The following CIT variants were observed in gnomAD, a reference collection of about 807,000 sequenced individuals.
CIT encodes the protein citron Rho-interacting kinase.
Under a neutral mutation model 272.7 loss-of-function variants are expected in CIT, and 79 were observed. The ratio of observed to expected loss-of-function variants is 0.29; its 90% confidence interval spans 0.24 to 0.35. The LOEUF (loss-of-function observed/expected upper bound fraction) is 0.35, where lower values mean the gene tolerates loss of function less well. Among genes scored for constraint, CIT ranks in the 10% least tolerant of loss-of-function variants. The pLI is 1.00. For synonymous variants in CIT, 948 were observed against 995.6 expected (o/e 0.95, Z 0.90); for missense variants, 1,909 against 2,618.3 (o/e 0.73, Z 5.91).
At chr12:119,761,437 G>T (rs1187027267) in intron 19 of CIT, among the ~76,000 whole-genome samples, 1 of 152,040 alleles carries the variant, frequency 6.6e-6, no homozygotes, top group Admixed American at 6.6e-5. Context: ...TATTACCTGG[G>T]GACAACTTTT....
At chr12:119,729,679 C>T (rs1958320784) in intron 27 of CIT, among the ~76,000 whole-genome samples, 1 of 152,172 alleles carries the variant, frequency 6.6e-6, no homozygotes, top group African/African-American at 2.4e-5. Context: ...AAAACAACAG[C>T]GATGGGTGAC....
At chr12:119,794,032 T>G (rs934347685) in intron 10 of CIT, among the ~76,000 whole-genome samples, 4 of 152,190 alleles carry the variant, frequency 2.6e-5, no homozygotes, top group African/African-American at 9.7e-5. Context: ...CTCAGCCTTC[T>G]TGAACAAATA....
Position 119,834,242 on chromosome 12 carries a change from C to A in CIT, c.517-14G>T. On this transcript the variant is annotated splice_polypyrimidine_tract_variant and intron_variant, in intron 5 of 47. Transcript: ENST00000392521. ...ATATTCCATGACCTGTATAGAATGC[C>A]AAAGTTATTAATTCTTCACACACCC... The A allele has an allele frequency of 6.3e-7, 1 of 1,575,520 alleles. No homozygotes were observed.
chr12:119,861,992 G>GGTTT (rs112710769), intron 3 of CIT, among the ~76,000 whole-genome samples: 1,779 of 151,974 alleles, frequency 0.012, 33 homozygotes, highest in African/African-American at 0.04. Flanking sequence ...TTGGTTAGTT[G>GGTTT]GTTTGTTTGT....
chr12:119,767,162 C>T lies in CIT; in HGVS notation c.2229G>A (p.Arg743=). 1.2e-6 allele frequency: 2 copies of T among 1,609,830 alleles called. No homozygotes were observed. Among genetic ancestry groups the T allele is most frequent in the Non-Finnish European group, 1.7e-6 (2 of 1,177,958 alleles). The change falls in exon 19 of 48, where the codon CGG becomes CGA. Residue 743 remains arginine (R), a synonymous_variant. Transcript: ENST00000392521. ...GGTGCTGGGCTGAGACTTGGGCCTC[C>T]CGATGTTTCTCTTCGAGCTCCTAGA... The part of the protein sequence containing the change: ...DKILELEEKH[R]EAQVSAQHLE...
rs200551230 is a variant in CIT at position 119,859,684 on chromosome 12, G to A, written c.239-1986C>T. 3.9e-4 allele frequency among the ~76,000 whole-genome samples: 59 copies of A among 152,054 alleles called. No homozygotes were observed. The East Asian group carries it at 6.8e-3, about 17-fold the overall frequency. On this transcript the variant is annotated intron_variant, in intron 3 of 47. Coordinates refer to ENST00000392521, the MANE Select transcript of CIT (RefSeq NM_001206999.2). ...ATACAAAAATTAGCTGCACACAAGCGGCCGCTTTTAATCTCAGCTGCTCGG... is the reference window on the plus strand; with the variant it reads ...ATACAAAAATTAGCTGCACACAAGCAGCCGCTTTTAATCTCAGCTGCTCGG...
chr12:119,785,891 T>C (rs962870796), intron 10 of CIT, among the ~76,000 whole-genome samples: 2 of 152,162 alleles, frequency 1.3e-5, no homozygotes, highest in African/African-American at 2.4e-5. Context: ...CATCTTAGAC[T>C]TCTGACCTCC....
At chr12:119,698,261 C>T in intron 44 of CIT, 4 of 614,162 alleles carry the variant, frequency 6.5e-6, no homozygotes, top group African/African-American at 3.6e-5. Context: ...TGGAAAACAA[C>T]TCAAGTGTAC....
chr12:119,809,434 TGA>T (rs1566075499), intron 9 of CIT, among the ~76,000 whole-genome samples: 1 of 152,068 alleles, frequency 6.6e-6, no homozygotes, highest in African/African-American at 2.4e-5. Context: ...TGAATTATTA[TGA>T]GATATATATA....
chr12:119,829,030 GGA>G (rs1171272345), intron 7 of CIT, among the ~76,000 whole-genome samples: 1 of 151,914 alleles, frequency 6.6e-6, no homozygotes, highest in Non-Finnish European at 1.5e-5. Context: ...ACTGAAAGAG[GGA>G]GAGAGGGAGG....
intron 44 of CIT, 137 bp downstream of exon 44, chr12:119,700,608 C>G (rs1956502522): frequency 2.7e-6 from 2 of 735,144 alleles, no homozygotes; most frequent in Non-Finnish European, 4.9e-6. Flanking sequence ...GGCTCAAACT[C>G]CTGACCTCAT....
At position 119,784,759 on chromosome 12, in the gene CIT, T is replaced by G; in HGVS notation, c.1401+201A>C. 7.1e-7 allele frequency: 1 copy of G among 1,412,840 alleles called. No homozygotes were observed. Among genetic ancestry groups the G allele is most frequent in the South Asian group, 1.6e-5 (1 of 61,648 alleles). The allele number at this position is 1,412,840 out of a possible 1,614,324, so 87.5% of individuals were successfully genotyped here. A position where few individuals can be genotyped will look rare whatever the true frequency, so the allele number is the denominator to read the frequency against. ...ATCCAGGGCCTCCTCTGGTTTAGAT[T>G]TAAAGGATTTACAGCAACAGCAAGG... On this transcript the variant is annotated intron_variant, in intron 11 of 47. Coordinates refer to ENST00000392521, the MANE Select transcript of CIT (RefSeq NM_001206999.2). This position sits in a 1 kb window ranked among gnomAD's most constrained non-coding sequence, Gnocchi z 4.7.
At chr12:119,689,702 G>A (rs1318343532) in intron 47 of CIT, among the ~76,000 whole-genome samples, 1 of 91,740 alleles carries the variant, frequency 1.1e-5, no homozygotes, top group Non-Finnish European at 2.0e-5. Flanking sequence ...TTTTAAGACA[G>A]AGTCTCGCTC....
At chr12:119,741,222 G>GA (rs553046003) in intron 24 of CIT, among the ~76,000 whole-genome samples, 1 of 149,570 alleles carries the variant, frequency 6.7e-6, no homozygotes. Flanking sequence ...ACATTTAAGC[G>GA]AAAAAAAAAG....
chr12:119,805,226 G>C (rs1469659749), intron 9 of CIT, among the ~76,000 whole-genome samples: 5 of 152,166 alleles, frequency 3.3e-5, no homozygotes, highest in African/African-American at 1.2e-4. Context: ...GTGGTTAATG[G>C]CAATTGTTCT....
At chr12:119,778,403 G>A (rs1038431680) in intron 13 of CIT, among the ~76,000 whole-genome samples, 1 of 152,188 alleles carries the variant, frequency 6.6e-6, no homozygotes, top group Non-Finnish European at 1.5e-5. Context: ...CTTGTGGGGT[G>A]AGGACGAGAG....
chr12:119,850,315 T>C (rs765058245), intron 4 of CIT, 40 bp from the exon 5 acceptor site: 24 of 1,324,354 alleles, frequency 1.8e-5, no homozygotes, highest in Non-Finnish European at 2.3e-5. Flanking sequence ...TATAAAGAAC[T>C]GTGAGAGGAA....
intron 3 of CIT, among the ~76,000 whole-genome samples, chr12:119,866,791 C>A (rs545756860): frequency 3.3e-5 from 5 of 152,164 alleles, no homozygotes; most frequent in African/African-American, 1.2e-4. Flanking sequence ...TGCACTCCAG[C>A]CAGAGTGAGA....
chr12:119,776,953 G>A, intron 13 of CIT, 111 bp from the exon 14 acceptor site: 2 of 1,207,260 alleles, frequency 1.7e-6, no homozygotes, highest in Non-Finnish European at 2.4e-6. Flanking sequence ...AGTGAAGAGA[G>A]ACTGGCAAAG....
Sources: gnomAD v4.1 joint callset for allele counts (sites outside exome capture counted in the v4.1 genomes callset) on GRCh38, gnomAD v4.1.1 for gene constraint, Gnocchi (gnomAD v3.1) non-coding constraint, MANE v1.5 for transcripts, NCBI Gene and HGNC (gene_info 2026-07-23, HGNC 2026-07-21) for gene names.